The following C1orf185 variants were observed in gnomAD, a reference collection of about 807,000 sequenced individuals.
C1orf185 encodes the protein chromosome 1 open reading frame 185, also known as uncharacterized protein C1orf185.
C1orf185 carries 13 observed loss-of-function variants against 16.1 expected under a neutral mutation model. That is an observed-to-expected ratio of 0.81 (90% CI 0.53 to 1.28). The LOEUF is 1.28. Ranked by LOEUF, C1orf185 falls within the 50% of genes most tolerant of loss-of-function variation. The pLI, the probability that C1orf185 is intolerant of heterozygous loss-of-function variation, is 0.00. For synonymous variants in C1orf185, 80 were observed against 76.9 expected (o/e 1.04, Z -0.21); for missense variants, 220 against 225.2 (o/e 0.98, Z 0.15).
intron 3 of C1orf185, among the ~76,000 whole-genome samples, chr1:51,121,433 A>G (rs1646196809): frequency 6.6e-6 from 1 of 152,140 alleles, no homozygotes. Context: ...CCTGGTTGTC[A>G]CAAATGACAA....
intron 1 of C1orf185, among the ~76,000 whole-genome samples, chr1:51,109,190 T>TCA (rs1165433214): frequency 6.6e-6 from 1 of 152,238 alleles, no homozygotes; most frequent in African/African-American, 2.4e-5. Flanking sequence ...GAACATTTTT[T>TCA]CATATACCTG....
rs558092132 is a variant in C1orf185, at chr1:51,147,488, A to G, written c.317A>G (p.Asp106Gly). The G allele has an allele frequency of 1.4e-5, 21 of 1,539,640 alleles. No homozygotes were observed. In the African/African-American group the frequency reaches 2.2e-4, roughly 16 times the overall value. ...ACAGCAATTAAAGATCATTCTAAAG[A>G]TGAACCCCAACTTGCAACAAAAAAT... Reference protein sequence around the residue: ...HIKAIKDHSKDEPQLATKNII... With the variant: ...HIKAIKDHSKGEPQLATKNII... Residue 106 changes from aspartate (D) to glycine (G), a missense_variant, in exon 5 of 5, where the codon GAT (aspartate) becomes GGT (glycine). Asp to Gly is a moderately conservative substitution (Grantham distance 94). Transcript: ENST00000371759.
rs760112015 is a variant in C1orf185 at position 51,147,681 on chromosome 1, C to G, written c.510C>G (p.Leu170=). 5 of 1,551,126 alleles carry G rather than the reference C, an allele frequency of 3.2e-6. No homozygotes were observed. The African/African-American group carries it at 6.9e-5, about 21-fold the overall frequency. Residue 170 remains leucine, a synonymous_variant, in exon 5 of 5, where the codon CTC becomes CTG. Coordinates refer to ENST00000371759, the MANE Select transcript of C1orf185 (RefSeq NM_001136508.2). ...LVKRNSPMPS[L]GEPLMEKVFS... ...AAAGGAACTCTCCAATGCCTTCTCT[C>G]GGGGAACCTCTAATGGAAAAAGTAT...
At position 51,111,186 on chromosome 1, in the gene C1orf185, A is replaced by G. The variant is rs538246459; in HGVS notation, c.17-1278A>G. Among the ~76,000 whole-genome samples the G allele has an allele frequency of 3.1e-3, 471 of 151,016 alleles. 4 individuals are homozygous for G. Among genetic ancestry groups the G allele is most frequent in the African/African-American group, 0.01 (420 of 41,174 alleles). Reference sequence around the variant, plus strand: ...TTTGTAGCAGGGATAAGATAATAGGAAAAAAAAACCCAGAGGTCTGGCTTT... The same window carrying G: ...TTTGTAGCAGGGATAAGATAATAGGGAAAAAAAACCCAGAGGTCTGGCTTT... On this transcript the variant is annotated intron_variant, in intron 1 of 4. Transcript: ENST00000371759.
chr1:51,125,997 A>G (rs1646237301), intron 3 of C1orf185, among the ~76,000 whole-genome samples: 1 of 152,088 alleles, frequency 6.6e-6, no homozygotes, highest in African/African-American at 2.4e-5. Flanking sequence ...AGCTCTAAAA[A>G]CAAAAAACAA....
chr1:51,115,951 A>G (rs1403593063), intron 2 of C1orf185, among the ~76,000 whole-genome samples: 1 of 152,188 alleles, frequency 6.6e-6, no homozygotes, highest in African/African-American at 2.4e-5. Context: ...GTAAGCAGAT[A>G]CGTAGTTTAT....
chr1:51,110,018 A>G (rs1570288576), intron 1 of C1orf185, among the ~76,000 whole-genome samples: 1 of 152,130 alleles, frequency 6.6e-6, no homozygotes, highest in South Asian at 2.1e-4. Context: ...CTGTTTTTCT[A>G]AAAATAAAAA....
At chr1:51,127,617 A>C (rs1646251437) in intron 3 of C1orf185, among the ~76,000 whole-genome samples, 1 of 152,140 alleles carries the variant, frequency 6.6e-6, no homozygotes, top group East Asian at 1.9e-4. Context: ...TTTAGTTTTT[A>C]TCTGTTCCTA....
intron 1 of C1orf185, among the ~76,000 whole-genome samples, chr1:51,110,984 C>CAAAAT: frequency 6.6e-6 from 1 of 151,952 alleles, no homozygotes; most frequent in Admixed American, 6.6e-5. Flanking sequence ...AAAACAAAAA[C>CAAAAT]AAAACAAAAC....
intron 3 of C1orf185, among the ~76,000 whole-genome samples, chr1:51,136,042 G>A (rs1646321498): frequency 6.6e-6 from 1 of 152,168 alleles, no homozygotes; most frequent in Non-Finnish European, 1.5e-5. Context: ...AATCATGAAT[G>A]CAATCCCATT....
intron 1 of C1orf185, among the ~76,000 whole-genome samples, chr1:51,105,592 C>T (rs777804685): frequency 2.6e-5 from 4 of 151,970 alleles, no homozygotes; most frequent in Admixed American, 6.6e-5. Context: ...ATTCTAAACT[C>T]TGAGAATACT....
chr1:51,102,268 T>C lies in C1orf185; in HGVS notation c.16+19T>C, dbSNP rs1646037329. On this transcript the variant is annotated intron_variant, in intron 1 of 4. Transcript: ENST00000371759. Reference sequence around the variant, plus strand: ...CCTAAAGGTATGAGAAGCTGGGTCATGTAGTCTAGCTTTTTGCCTGGGAAG... The same window carrying C: ...CCTAAAGGTATGAGAAGCTGGGTCACGTAGTCTAGCTTTTTGCCTGGGAAG... The C allele has an allele frequency of 2.8e-6, 2 of 715,118 alleles. No individual in the cohort carries two copies. Among genetic ancestry groups the C allele is most frequent in the Non-Finnish European group, 5.2e-6 (2 of 383,070 alleles). The allele number at this position is 715,118 out of a possible 1,614,324, so 44.3% of individuals were successfully genotyped here. A position where few individuals can be genotyped will look rare whatever the true frequency, so the allele number is the denominator to read the frequency against.
downstream of C1orf185, among the ~76,000 whole-genome samples, chr1:51,149,380 C>T (rs934304708): frequency 1.3e-5 from 2 of 152,136 alleles, no homozygotes; most frequent in African/African-American, 4.8e-5. Context: ...GGAGTTAGAA[C>T]CACTCTCTCT....
intron 4 of C1orf185, among the ~76,000 whole-genome samples, chr1:51,146,943 A>G (rs2148035059): frequency 6.6e-6 from 1 of 152,234 alleles, no homozygotes; most frequent in Admixed American, 6.5e-5. Context: ...TTTGATGTTT[A>G]GTTGTCCTTA....
chr1:51,149,844 T>C (rs540979985), downstream of C1orf185, among the ~76,000 whole-genome samples: 2 of 152,316 alleles, frequency 1.3e-5, no homozygotes, highest in South Asian at 4.1e-4. Flanking sequence ...TCTCTTCCCT[T>C]GTCCCAGCCT....
intron 3 of C1orf185, among the ~76,000 whole-genome samples, chr1:51,140,017 CA>C (rs1646353797): frequency 6.6e-6 from 1 of 151,992 alleles, no homozygotes; most frequent in Non-Finnish European, 1.5e-5. Context: ...TTTTATTGGC[CA>C]AAGCAAATTT....
intron 1 of C1orf185, among the ~76,000 whole-genome samples, chr1:51,103,273 G>A (rs528931799): frequency 3.8e-4 from 58 of 151,890 alleles, no homozygotes; most frequent in African/African-American, 1.4e-3. Flanking sequence ...AGGGATGGTG[G>A]CACACATGTG....
chr1:51,135,884 A>G (rs1259553656), intron 3 of C1orf185, among the ~76,000 whole-genome samples: 6 of 152,208 alleles, frequency 3.9e-5, no homozygotes, highest in Non-Finnish European at 1.5e-5. Context: ...TGTGCAGATG[A>G]CATGCTCCAC....
At chr1:51,142,354 A>G (rs984098816) in intron 3 of C1orf185, among the ~76,000 whole-genome samples, 1 of 152,178 alleles carries the variant, frequency 6.6e-6, no homozygotes, top group Non-Finnish European at 1.5e-5. Flanking sequence ...CAGTTATTTT[A>G]TACATAATAG....
Sources: allele counts gnomAD v4.1 joint callset (sites outside exome capture counted in the v4.1 genomes callset), GRCh38; gene constraint gnomAD v4.1.1; transcripts MANE v1.5; gene names NCBI Gene and HGNC (gene_info 2026-07-23, HGNC 2026-07-21).